The following PCDHGA6 variants were observed in gnomAD, a reference collection of about 807,000 sequenced individuals.
PCDHGA6 encodes protocadherin gamma-A6.
PCDHGA6 carries 41 observed loss-of-function variants against 60.6 expected under a neutral mutation model. That is an observed-to-expected ratio of 0.68 (90% CI 0.53 to 0.88). PCDHGA6 has a LOEUF of 0.88. PCDHGA6 is among the 40% of genes least tolerant of loss of function. The pLI is 0.00. For synonymous variants in PCDHGA6, 594 were observed against 524.4 expected, an observed-to-expected ratio of 1.13 and a Z score of -1.81; for missense variants, 1,312 against 1,203.0, an observed-to-expected ratio of 1.09 and a Z score of -1.34.
chr5:141,431,288 C>T lies in PCDHGA6; in HGVS notation c.2424+54781C>T, dbSNP rs2097358193. ...GAGCTACGAGCTCAGCCCGAACACT[C>T]ACTTCTCCCTCATCGTGCAAAATGG... On this transcript the variant is annotated intron_variant, in intron 1 of 3. Transcript: ENST00000517434. This position sits in a 1 kb window ranked among gnomAD's most constrained non-coding sequence, Gnocchi z 4.8. 1 of 1,614,152 alleles carries T rather than the reference C, an allele frequency of 6.2e-7. No individual in the cohort carries two copies. Among genetic ancestry groups the T allele is most frequent in the East Asian group, 2.2e-5 (1 of 44,890 alleles).
chr5:141,448,896 G>C (rs560617459), intron 1 of PCDHGA6, among the ~76,000 whole-genome samples: 5 of 152,302 alleles, frequency 3.3e-5, no homozygotes, highest in African/African-American at 1.2e-4. Context: ...AGTGAGCCGA[G>C]ATCGTGCCAC....
intron 1 of PCDHGA6, among the ~76,000 whole-genome samples, chr5:141,463,418 C>T (rs1442067485): frequency 3.6e-5 from 5 of 138,240 alleles, no homozygotes; most frequent in Admixed American, 2.9e-4. Flanking sequence ...TCCTAGTTTG[C>T]GGATCCTCAT....
chr5:141,427,652 G>T, intron 1 of PCDHGA6: 1 of 721,166 alleles, frequency 1.4e-6, no homozygotes, highest in Non-Finnish European at 2.5e-6. Flanking sequence ...TCTCCTACGT[G>T]GTCCACGTGG....
chr5:141,378,080 AT>A (rs1360120738), intron 1 of PCDHGA6: 30 of 152,322 alleles, frequency 2.0e-4, no homozygotes, highest in African/African-American at 7.2e-4. Flanking sequence ...AAATAATTTT[AT>A]AACTTTTTTT....
chr5:141,500,554 C>A (rs2099801320), intron 2 of PCDHGA6, among the ~76,000 whole-genome samples: 1 of 152,212 alleles, frequency 6.6e-6, no homozygotes, highest in Admixed American at 6.5e-5. Context: ...AAGTTGTTCA[C>A]AAACTTGTCA....
intron 1 of PCDHGA6, among the ~76,000 whole-genome samples, chr5:141,492,745 C>G (rs2099743569): frequency 6.6e-6 from 1 of 152,262 alleles, no homozygotes; most frequent in Non-Finnish European, 1.5e-5. Flanking sequence ...GTGGCCGAGG[C>G]GCGGCAGGGC....
intron 1 of PCDHGA6, chr5:141,410,687 T>C: frequency 6.6e-7 from 1 of 1,518,632 alleles, no homozygotes; most frequent in Non-Finnish European, 8.8e-7. Flanking sequence ...TTAGGCATAC[T>C]ACTTTATTTT....
rs777133589 is a variant in PCDHGA6, at chr5:141,390,020, C to G, written c.2424+13513C>G. The stretch of plus-strand genomic sequence containing the variant: ...CCATGATTCTGGCCATTGCCTTGCG[C>G]CTGCGACGCTCCTCCAGCCCCGCCT... On this transcript the variant is annotated intron_variant, in intron 1 of 3. Transcript: ENST00000517434. 4 of 1,613,930 alleles carry G rather than the reference C, an allele frequency of 2.5e-6. No homozygotes were observed. The African/African-American group carries it at 5.3e-5, about 22-fold the overall frequency.
chr5:141,482,998 T>C (rs1458221945), intron 1 of PCDHGA6, among the ~76,000 whole-genome samples: 1 of 152,008 alleles, frequency 6.6e-6, no homozygotes, highest in Non-Finnish European at 1.5e-5. Flanking sequence ...GGCAGGAGAA[T>C]TGCTTGAACC....
At chr5:141,500,452 G>C (rs554196222) in intron 2 of PCDHGA6, among the ~76,000 whole-genome samples, 1 of 151,506 alleles carries the variant, frequency 6.6e-6, no homozygotes, top group South Asian at 2.1e-4. Context: ...CTCGTGATCC[G>C]CCCGCCTCGG....
In PCDHGA6 at chr5:141,374,619, C is replaced by G; in HGVS notation, c.536C>G (p.Ser179Ter). Residue 179 changes from serine (S) to a stop codon, truncating the protein, a stop_gained, in exon 1 of 4, where the codon TCA (serine) becomes TGA (stop). Transcript: ENST00000517434. LOFTEE classifies it high-confidence loss of function. ...AAGCTCAGTGGTAATAGTCACTTCTCAGTGGACGTGCAAAGCGAAGCCCAT... is the reference window on the plus strand; with the variant it reads ...AAGCTCAGTGGTAATAGTCACTTCTGAGTGGACGTGCAAAGCGAAGCCCAT... ...GFKLSGNSHF[S>*]VDVQSEAHGP... The G allele has an allele frequency of 1.2e-6, 2 of 1,613,466 alleles. No individual in the cohort carries two copies. Among genetic ancestry groups the G allele is most frequent in the Non-Finnish European group, 1.7e-6 (2 of 1,179,646 alleles).
rs1168649993 is a variant in PCDHGA6, at chr5:141,432,243, C to G, written c.2424+55736C>G. On this transcript the variant is annotated intron_variant, in intron 1 of 3. Transcript: ENST00000517434. The surrounding 1 kb of genome is among the most constrained non-coding windows in gnomAD (Gnocchi z 6.0). ...ATCACTTATTCCCTGGCTGAGAACA[C>G]CATCCAAGGGGCAAGCCTATCGTCC... 1 of 1,614,244 alleles carries G rather than the reference C, an allele frequency of 6.2e-7. No individual in the cohort carries two copies. Among genetic ancestry groups the G allele is most frequent in the Non-Finnish European group, 8.5e-7 (1 of 1,180,050 alleles).
intron 1 of PCDHGA6, chr5:141,478,491 G>A: frequency 6.2e-7 from 1 of 1,613,152 alleles, no homozygotes; most frequent in Non-Finnish European, 8.5e-7. Flanking sequence ...CTGCGGAGCT[G>A]TGATCCGGTG....
chr5:141,452,710 G>GAAGT (rs1343622540), intron 1 of PCDHGA6, among the ~76,000 whole-genome samples: 1 of 151,996 alleles, frequency 6.6e-6, no homozygotes, highest in Non-Finnish European at 1.5e-5. Flanking sequence ...AGAAAGGAAG[G>GAAGT]AATGAGGGAG....
At chr5:141,418,966 C>T (rs754269610) in intron 1 of PCDHGA6, 44 of 1,613,892 alleles carry the variant, frequency 2.7e-5, no homozygotes, top group Non-Finnish European at 3.6e-5. Flanking sequence ...TTGCCCTCTT[C>T]AAAACACGGG....
Position 141,383,405 on chromosome 5 carries a change from G to A in PCDHGA6, c.2424+6898G>A, listed in dbSNP as rs189408749. 100 of 1,614,016 alleles carry A rather than the reference G, an allele frequency of 6.2e-5. No individual in the cohort carries two copies. In the Middle Eastern group the frequency reaches 9.9e-4, roughly 16 times the overall value. ...GATGTGGGCACGAACTCCCTCCAGA[G>A]TTACCAGCTCAGCCCCAATCGCCAC... On this transcript the variant is annotated intron_variant, in intron 1 of 3. Coordinates refer to ENST00000517434, the MANE Select transcript of PCDHGA6 (RefSeq NM_018919.3).
In PCDHGA6 at chr5:141,491,652, G is replaced by A. The variant is rs370043428; in HGVS notation, c.2425-3155G>A. ...AGCAGCCCACAGCTCTGGCGCTGGAGCCTGACGCCATCCGGTCCCGCTCTA... is the reference window on the plus strand; with the variant it reads ...AGCAGCCCACAGCTCTGGCGCTGGAACCTGACGCCATCCGGTCCCGCTCTA... On this transcript the variant is annotated intron_variant, in intron 1 of 3. Transcript: ENST00000517434. This position sits in a 1 kb window ranked among gnomAD's most constrained non-coding sequence, Gnocchi z 6.9. 2 of 1,613,726 alleles carry A rather than the reference G, an allele frequency of 1.2e-6. No homozygotes were observed. Among genetic ancestry groups the A allele is most frequent in the African/African-American group, 1.3e-5 (1 of 74,944 alleles).
rs750081761 is a variant in PCDHGA6, at chr5:141,376,417, G to A, written c.2334G>A (p.Thr778=). ...LIFPQPNYAD[T]LINQESYEKS... ...TCCCCCAGCCCAACTATGCCGACAC[G>A]CTTATCAACCAGGAGAGCTATGAGA... The change falls in exon 1 of 4, where the codon ACG becomes ACA. Residue 778 remains threonine, a synonymous_variant. Coordinates refer to ENST00000517434, the MANE Select transcript of PCDHGA6 (RefSeq NM_018919.3). The A allele has an allele frequency of 1.9e-5, 30 of 1,614,148 alleles. No homozygotes were observed. Among genetic ancestry groups the A allele is most frequent in the Non-Finnish European group, 2.5e-5 (29 of 1,180,028 alleles).
intron 1 of PCDHGA6, among the ~76,000 whole-genome samples, chr5:141,462,192 T>C (rs1323806836): frequency 6.6e-6 from 1 of 152,198 alleles, no homozygotes; most frequent in Non-Finnish European, 1.5e-5. Context: ...ACTCCTGACC[T>C]CAGGTGATCC....
Sources: allele counts gnomAD v4.1 joint callset (sites outside exome capture counted in the v4.1 genomes callset), GRCh38; gene constraint gnomAD v4.1.1; non-coding constraint Gnocchi (gnomAD v3.1); transcripts MANE v1.5; gene names NCBI Gene and HGNC (gene_info 2026-07-23, HGNC 2026-07-21).